FHIT: variants seen among roughly 807,000 people sequenced by gnomAD.
FHIT encodes the protein bis(5'-adenosyl)-triphosphatase.
A neutral mutation model predicts 17.9 loss-of-function variants in FHIT; 19 were observed. That is an observed-to-expected ratio of 1.06 (90% CI 0.74 to 1.56). The LOEUF is 1.56. FHIT is among the 40% of genes most tolerant of loss of function. The pLI, the probability that FHIT is intolerant of heterozygous loss-of-function variation, is 0.00. For missense variants in FHIT, 248 were observed against 189.2 expected, an observed-to-expected ratio of 1.31 and a Z score of -1.82; for synonymous variants, 81 against 69.7, an observed-to-expected ratio of 1.16 and a Z score of -0.81.
chr3:60,550,611 A>T (rs1412439041), intron 4 of FHIT, among the ~76,000 whole-genome samples: 1 of 138,432 alleles, frequency 7.2e-6, no homozygotes, highest in Non-Finnish European at 1.6e-5. Context: ...CTGTTCTGTC[A>T]TTTTTTTTTT....
At chr3:61,223,055 C>G (rs1343970405) in intron 1 of FHIT, among the ~76,000 whole-genome samples, 1 of 152,080 alleles carries the variant, frequency 6.6e-6, no homozygotes, top group Non-Finnish European at 1.5e-5. Flanking sequence ...TATCTCTGGC[C>G]CTTATCCACA....
intron 2 of FHIT, among the ~76,000 whole-genome samples, chr3:61,090,703 T>A (rs1409303823): frequency 1.3e-5 from 2 of 152,140 alleles, no homozygotes; most frequent in Non-Finnish European, 2.9e-5. Context: ...GATAGAGGCA[T>A]CAACAATCAC....
intron 5 of FHIT, among the ~76,000 whole-genome samples, chr3:60,396,055 C>A (rs570517462): frequency 1.7e-4 from 26 of 152,238 alleles, no homozygotes; most frequent in Non-Finnish European, 2.6e-4. Flanking sequence ...CCAGGCACCA[C>A]ACTAGCTGGG....
At chr3:60,521,519 T>C (rs1344263919) in intron 5 of FHIT, among the ~76,000 whole-genome samples, 6 of 152,264 alleles carry the variant, frequency 3.9e-5, no homozygotes, top group Middle Eastern at 3.4e-3. Context: ...AGTGCTGGGA[T>C]TACAGGCATG....
chr3:60,858,658 A>G (rs1703483929), intron 3 of FHIT, among the ~76,000 whole-genome samples: 1 of 152,158 alleles, frequency 6.6e-6, no homozygotes. Flanking sequence ...TATTATAACT[A>G]TCACATATGA....
At chr3:59,837,531 C>T (rs1701382280) in intron 8 of FHIT, among the ~76,000 whole-genome samples, 1 of 151,974 alleles carries the variant, frequency 6.6e-6, no homozygotes, top group Admixed American at 6.6e-5. Context: ...ATATGGAGGG[C>T]CAACTGTAAA....
intron 3 of FHIT, among the ~76,000 whole-genome samples, chr3:60,999,354 A>G (rs1423738725): frequency 6.6e-6 from 1 of 152,020 alleles, no homozygotes; most frequent in African/African-American, 2.4e-5. Flanking sequence ...AACAGTTGCA[A>G]GAAATCTAAC....
At chr3:60,498,380 T>A (rs1187169326) in intron 5 of FHIT, among the ~76,000 whole-genome samples, 1 of 152,202 alleles carries the variant, frequency 6.6e-6, no homozygotes, top group East Asian at 1.9e-4. Flanking sequence ...TACCCCCTGA[T>A]TTACTAAATT....
At chr3:60,904,480 CAAAAAAAAAAAG>C (rs1706290002) in intron 3 of FHIT, among the ~76,000 whole-genome samples, 1 of 136,472 alleles carries the variant, frequency 7.3e-6, no homozygotes, top group Non-Finnish European at 1.6e-5. Flanking sequence ...AATCCAAATG[CAAAAAAAAAAAG>C]AAAAAAAAAA....
chr3:60,612,001 G>A (rs559514254), intron 4 of FHIT, among the ~76,000 whole-genome samples: 2 of 152,198 alleles, frequency 1.3e-5, no homozygotes, highest in Admixed American at 1.3e-4. Flanking sequence ...CTCTCAGCAG[G>A]ATGTCCCATT....
intron 1 of FHIT, 124 bp from the exon 2 acceptor site, chr3:61,200,789 G>A (rs1216313878): frequency 6.6e-6 from 1 of 152,298 alleles, no homozygotes; most frequent in African/African-American, 2.4e-5. Flanking sequence ...ATAAACCATT[G>A]ATAAAACTTG....
intron 5 of FHIT, among the ~76,000 whole-genome samples, chr3:60,428,988 C>A (rs1702776271): frequency 6.6e-6 from 1 of 152,094 alleles, no homozygotes; most frequent in African/African-American, 2.4e-5. Flanking sequence ...AGTTGAAAAT[C>A]TAGCTTTTAC....
chr3:60,799,878 C>T (rs1452416187), intron 4 of FHIT, among the ~76,000 whole-genome samples: 1 of 152,138 alleles, frequency 6.6e-6, no homozygotes, highest in Non-Finnish European at 1.5e-5. Flanking sequence ...TCTGTAAACT[C>T]TTTGAGAGCC....
chr3:60,832,203 T>C (rs1471871277), intron 3 of FHIT, among the ~76,000 whole-genome samples: 1 of 152,064 alleles, frequency 6.6e-6, no homozygotes, highest in Non-Finnish European at 1.5e-5. Context: ...GTACTTTTTA[T>C]CTAATTGTAT....
intron 3 of FHIT, among the ~76,000 whole-genome samples, chr3:60,915,771 C>A (rs1706965334): frequency 6.6e-6 from 1 of 152,002 alleles, no homozygotes; most frequent in Non-Finnish European, 1.5e-5. Context: ...AAGTCAAGTA[C>A]AATACAGCCC....
At chr3:60,226,556 A>G (rs1704215083) in intron 5 of FHIT, among the ~76,000 whole-genome samples, 1 of 151,016 alleles carries the variant, frequency 6.6e-6, no homozygotes, top group African/African-American at 2.4e-5. Context: ...CTAAGCCTTT[A>G]CTGTTGCTGC....
chr3:60,169,218 G>C (rs930175906), intron 5 of FHIT, among the ~76,000 whole-genome samples: 2 of 152,130 alleles, frequency 1.3e-5, no homozygotes, highest in African/African-American at 4.8e-5. Flanking sequence ...CCACTTCACA[G>C]CTCTAAATAG....
chr3:60,949,428 C>T (rs1411410212), intron 3 of FHIT, among the ~76,000 whole-genome samples: 4 of 152,278 alleles, frequency 2.6e-5, no homozygotes, highest in South Asian at 2.1e-4. Flanking sequence ...AGAAACACAA[C>T]GCCAAGGGAA....
intron 5 of FHIT, among the ~76,000 whole-genome samples, chr3:60,150,189 G>T (rs1182440443): frequency 6.6e-6 from 1 of 151,798 alleles, no homozygotes; most frequent in South Asian, 2.1e-4. Flanking sequence ...TAGAGATGGG[G>T]TTTCTCCATA....
Sources: gnomAD v4.1 joint callset for allele counts (sites outside exome capture counted in the v4.1 genomes callset) on GRCh38, gnomAD v4.1.1 for gene constraint, MANE v1.5 for transcripts, NCBI Gene and HGNC (gene_info 2026-07-23, HGNC 2026-07-21) for gene names.